The following C3orf20 variants were observed in gnomAD, a reference collection of about 807,000 sequenced individuals.
The protein encoded by C3orf20 is family with sequence similarity 149 member C.
C3orf20 carries 76 observed loss-of-function variants against 88.3 expected under a neutral mutation model. That is an observed-to-expected ratio of 0.86 (90% CI 0.72 to 1.04). The LOEUF is 1.04. Among genes scored for constraint, C3orf20 ranks in the 50% least tolerant of loss-of-function variants. The probability of loss-of-function intolerance (pLI) is 0.00; values close to 1 mark genes in which losing one functional copy is unlikely to be tolerated. For synonymous variants in C3orf20, 436 were observed against 437.4 expected, an observed-to-expected ratio of 1.00 and a Z score of 0.04; for missense variants, 1,056 against 1,123.3, an observed-to-expected ratio of 0.94 and a Z score of 0.86.
intron 5 of C3orf20, 35 bp from the exon 6 acceptor site, chr3:14,703,095 G>A (rs1312692329): frequency 6.2e-7 from 1 of 1,612,412 alleles, no homozygotes; most frequent in Non-Finnish European, 8.5e-7. Flanking sequence ...CCATGGTCTT[G>A]GGCATCTCTC....
At chr3:14,747,924 A>G (rs565425947) in intron 12 of C3orf20, among the ~76,000 whole-genome samples, 6 of 152,132 alleles carry the variant, frequency 3.9e-5, no homozygotes, top group Non-Finnish European at 7.4e-5. Context: ...GAATTTTTAC[A>G]TCTATATTAA....
At chr3:14,691,350 G>T (rs2032722512) in intron 5 of C3orf20, among the ~76,000 whole-genome samples, 1 of 152,146 alleles carries the variant, frequency 6.6e-6, no homozygotes, top group Admixed American at 6.5e-5. Context: ...TCCTGAGCTG[G>T]CCCTAGATCT....
At chr3:14,743,282 G>A (rs988163366) in intron 12 of C3orf20, among the ~76,000 whole-genome samples, 1 of 151,982 alleles carries the variant, frequency 6.6e-6, no homozygotes, top group Admixed American at 6.5e-5. Flanking sequence ...CAGGGCCCGA[G>A]GAAGTCTGAA....
chr3:14,752,163 T>G (rs1248601641), intron 12 of C3orf20, among the ~76,000 whole-genome samples: 1 of 152,130 alleles, frequency 6.6e-6, no homozygotes, highest in Non-Finnish European at 1.5e-5. Context: ...AACAGAGGCC[T>G]CAGAAATAAC....
intron 9 of C3orf20, among the ~76,000 whole-genome samples, chr3:14,720,122 C>A (rs548190878): frequency 6.6e-6 from 1 of 152,042 alleles, no homozygotes; most frequent in Admixed American, 6.5e-5. Context: ...CTCTGCCTCC[C>A]GGGTTCATGC....
At chr3:14,712,673 AAAAG>A in intron 7 of C3orf20, among the ~76,000 whole-genome samples, 1 of 152,208 alleles carries the variant, frequency 6.6e-6, no homozygotes, top group African/African-American at 2.4e-5. Flanking sequence ...ATATAGGAAA[AAAAG>A]AAAAATTATA....
At chr3:14,760,044 C>T in intron 14 of C3orf20, 46 bp downstream of exon 14, 1 of 1,354,602 alleles carries the variant, frequency 7.4e-7, no homozygotes. Context: ...ACCCCAGCCG[C>T]AGCCACCTCT....
At chr3:14,715,499 A>T in intron 9 of C3orf20, 90 bp downstream of exon 9, 1 of 1,470,854 alleles carries the variant, frequency 6.8e-7, no homozygotes, top group Non-Finnish European at 9.1e-7. Context: ...CTAGCATTAA[A>T]AGCCCAGGGC....
chr3:14,719,608 A>G (rs1009141490), intron 9 of C3orf20, among the ~76,000 whole-genome samples: 7 of 152,308 alleles, frequency 4.6e-5, no homozygotes, highest in African/African-American at 1.4e-4. Flanking sequence ...GACTGGGGAT[A>G]ATGGATATAA....
chr3:14,705,298 C>T (rs2033454326), intron 7 of C3orf20, among the ~76,000 whole-genome samples: 1 of 152,250 alleles, frequency 6.6e-6, no homozygotes, highest in Non-Finnish European at 1.5e-5. Flanking sequence ...CCTGTGATTG[C>T]AGGGCATTCA....
At position 14,704,470 on chromosome 3, in the gene C3orf20, C is replaced by T. The variant is rs760407677; in HGVS notation, c.1012C>T (p.Pro338Ser). The T allele has an allele frequency of 1.1e-5, 17 of 1,614,090 alleles. No individual in the cohort carries two copies. The Admixed American group carries it at 2.7e-4, about 25-fold the overall frequency. ...GDSQTPGLHY[P>S]PTAGAQTLSP... ...CTCTCAGACCCCGGGTTTACATTAC[C>T]CTCCCACTGCAGGTGCTCAGACTCT... is the stretch of plus-strand genomic sequence containing the variant. Residue 338 changes from proline (P) to serine (S), a missense_variant, in exon 7 of 17, where the codon CCT becomes TCT. Physicochemically the swap from Pro to Ser is moderately conservative, Grantham distance 74. Coordinates refer to ENST00000253697, the MANE Select transcript of C3orf20 (RefSeq NM_032137.5).
chr3:14,768,698 T>A lies in C3orf20; in HGVS notation c.2496-3369T>A, dbSNP rs2035785882. ...GCTGAGTAGAGAGAAATTACCTTCC[T>A]GAAGTAGACCAGGGGCTCAGAAATA... On this transcript the variant is annotated intron_variant, in intron 15 of 16. Coordinates refer to ENST00000253697, the MANE Select transcript of C3orf20 (RefSeq NM_032137.5). The surrounding 1 kb of genome is among the most constrained non-coding windows in gnomAD (Gnocchi z 4.1). Among the ~76,000 whole-genome samples, 1 of 151,922 alleles carries A rather than the reference T, an allele frequency of 6.6e-6. No individual in the cohort carries two copies. Among genetic ancestry groups the A allele is most frequent in the Non-Finnish European group, 1.5e-5 (1 of 68,008 alleles).
intron 11 of C3orf20, among the ~76,000 whole-genome samples, chr3:14,727,811 C>T (rs2034406907): frequency 6.6e-6 from 1 of 152,236 alleles, no homozygotes; most frequent in African/African-American, 2.4e-5. Context: ...GCACTTTGTA[C>T]ATGTTCTAAT....
intron 13 of C3orf20, among the ~76,000 whole-genome samples, chr3:14,758,912 A>C (rs1347104): frequency 0.67 from 101,651 of 152,166 alleles, 34,206 homozygotes; most frequent in African/African-American, 0.76. Flanking sequence ...GTATTGAGTT[A>C]ATTCTGTGTG....
intron 7 of C3orf20, among the ~76,000 whole-genome samples, chr3:14,708,066 C>T (rs1427331678): frequency 4.6e-5 from 7 of 152,182 alleles, no homozygotes; most frequent in Middle Eastern, 6.8e-3. Context: ...AGGTGATCCG[C>T]CCACCTTGGC....
In C3orf20 at chr3:14,772,921, G is replaced by A. The variant is rs866588153; in HGVS notation, c.*46G>A. 4.7e-6 allele frequency: 7 copies of A among 1,499,164 alleles called. 1 individual carries two copies. The Middle Eastern group carries it at 1.3e-3, about 289-fold the overall frequency. The allele number at this position is 1,499,164 out of a possible 1,614,324, so 92.9% of individuals were successfully genotyped here. ...AGTGAGCCAGGCCCCGGCCCGGGGT[G>A]CTGGGGCTTCTTGCCAGCCCAGCCC... On this transcript the variant is annotated 3_prime_UTR_variant, in exon 17 of 17. Transcript: ENST00000253697. This position sits in a 1 kb window ranked among gnomAD's most constrained non-coding sequence, Gnocchi z 4.2.
chr3:14,710,613 GTGT>G (rs1308526842), intron 7 of C3orf20, among the ~76,000 whole-genome samples: 1 of 152,054 alleles, frequency 6.6e-6, no homozygotes, highest in African/African-American at 2.4e-5. Flanking sequence ...TGTTGTTTGT[GTGT>G]TGTTAATTTT....
intron 9 of C3orf20, 56 bp downstream of exon 9, chr3:14,715,465 T>A (rs1274419653): frequency 6.4e-7 from 1 of 1,571,562 alleles, no homozygotes; most frequent in African/African-American, 1.3e-5. Context: ...ACAGGGAGGG[T>A]CTGGGCATCC....
chr3:14,723,755 C>T (rs6442472), intron 10 of C3orf20, among the ~76,000 whole-genome samples: 118,806 of 151,578 alleles, frequency 0.78, 47,158 homozygotes, highest in Non-Finnish European at 0.86. Flanking sequence ...TGGTTCCACA[C>T]TCTCACTCTA....
Sources: allele counts gnomAD v4.1 joint callset (sites outside exome capture counted in the v4.1 genomes callset), GRCh38; gene constraint gnomAD v4.1.1; non-coding constraint Gnocchi (gnomAD v3.1); transcripts MANE v1.5; gene names NCBI Gene and HGNC (gene_info 2026-07-23, HGNC 2026-07-21).